The following RASSF3 variants were observed in gnomAD, a reference collection of about 807,000 sequenced individuals.
RASSF3 encodes the protein ras association domain-containing protein 3.
Under a neutral mutation model 19.9 loss-of-function variants are expected in RASSF3, and 19 were observed. The ratio of observed to expected loss-of-function variants is 0.96; its 90% CI spans 0.67 to 1.40. The LOEUF is 1.40. RASSF3 is among the 40% of genes most tolerant of loss of function. The pLI is 0.00. For synonymous variants in RASSF3, 110 were observed against 104.2 expected, an observed-to-expected ratio of 1.06 and a Z score of -0.34; for missense variants, 306 against 289.8, an observed-to-expected ratio of 1.06 and a Z score of -0.41.
chr12:64,546,361 C>G (rs1772717279), downstream of RASSF3, among the ~76,000 whole-genome samples: 1 of 152,098 alleles, frequency 6.6e-6, no homozygotes, highest in Non-Finnish European at 1.5e-5. Flanking sequence ...AGCTCCGCCT[C>G]CCGGGTTCAT....
chr12:64,610,590 C>T lies in RASSF3; in HGVS notation c.-43C>T. 1 of 1,291,308 alleles carries T rather than the reference C, an allele frequency of 7.7e-7. No individual in the cohort carries two copies. Among genetic ancestry groups the T allele is most frequent in the Non-Finnish European group, 1.0e-6 (1 of 974,516 alleles). 80.0% of individuals were successfully genotyped at this position (1,291,308 alleles called of 1,614,324 possible). ...GGCGCCGCACCCCCTCCCTGGCCGC[C>T]TGCGCCCCGGGGAGGCCGCCCGCGC... is the stretch of plus-strand genomic sequence containing the variant. On this transcript the variant is annotated 5_prime_UTR_variant, in exon 1 of 5. Coordinates refer to ENST00000542104, the MANE Select transcript of RASSF3 (RefSeq NM_178169.4).
At chr12:64,662,384 G>A (rs958517020) in intron 1 of RASSF3, among the ~76,000 whole-genome samples, 1 of 152,184 alleles carries the variant, frequency 6.6e-6, no homozygotes, top group Non-Finnish European at 1.5e-5. Flanking sequence ...TTGTACCACT[G>A]CACTCCAGCC....
At chr12:64,593,729 G>C (rs988182668) in intron 2 of RASSF3, among the ~76,000 whole-genome samples, 1 of 152,090 alleles carries the variant, frequency 6.6e-6, no homozygotes, top group African/African-American at 2.4e-5. Context: ...TTGAAATCCT[G>C]TAGCAAAGCT....
intron 1 of RASSF3, among the ~76,000 whole-genome samples, chr12:64,679,464 A>G (rs1278178538): frequency 6.6e-6 from 1 of 152,236 alleles, no homozygotes; most frequent in Non-Finnish European, 1.5e-5. Context: ...TAACCAAAAG[A>G]GTATAAACAA....
chr12:64,581,858 T>C (rs1278677998), intron 2 of RASSF3, among the ~76,000 whole-genome samples: 1 of 148,938 alleles, frequency 6.7e-6, no homozygotes, highest in Non-Finnish European at 1.5e-5. Flanking sequence ...AGATTGACCT[T>C]TTTTTTTTGT....
At chr12:64,669,821 G>A (rs959943273) in intron 1 of RASSF3, among the ~76,000 whole-genome samples, 2 of 149,690 alleles carry the variant, frequency 1.3e-5, no homozygotes, top group South Asian at 2.1e-4. Context: ...GCTGGAGGGT[G>A]TGTGAACCCT....
chr12:64,584,118 C>G (rs1869750573), intron 2 of RASSF3, among the ~76,000 whole-genome samples: 1 of 152,170 alleles, frequency 6.6e-6, no homozygotes, highest in Non-Finnish European at 1.5e-5. Context: ...CAGGCGTTTC[C>G]TTCCTCTGAT....
In RASSF3 at chr12:64,587,036, G is replaced by A. The variant is rs537946702; in HGVS notation, c.294+45331G>A. Among the ~76,000 whole-genome samples, 40 of 141,064 alleles carry A rather than the reference G, an allele frequency of 2.8e-4. No individual in the cohort carries two copies. The East Asian group carries it at 7.0e-3, about 25-fold the overall frequency. The allele number at this position is 141,064 out of a possible 152,430, so 92.5% of individuals were successfully genotyped here. ...TTAAAATCTATTTTCCATATTCCTCGTATTCCTCGCCTCACTTTTTTTTTT... is the reference window on the plus strand; with the variant it reads ...TTAAAATCTATTTTCCATATTCCTCATATTCCTCGCCTCACTTTTTTTTTT... On this transcript the variant is annotated intron_variant, in intron 2 of 5. Coordinates refer to the RASSF3 transcript ENST00000637125.
At chr12:64,684,011 TGA>T (rs965480977) in intron 1 of RASSF3, among the ~76,000 whole-genome samples, 25 of 83,362 alleles carry the variant, frequency 3.0e-4, no homozygotes, top group African/African-American at 7.4e-4. Flanking sequence ...AGAGAGAGAG[TGA>T]GTGTGTGTGT....
intron 1 of RASSF3, among the ~76,000 whole-genome samples, chr12:64,614,236 C>T (rs182744018): frequency 2.0e-5 from 3 of 150,172 alleles, no homozygotes; most frequent in Admixed American, 6.7e-5. Context: ...CGCGTGCAAA[C>T]GATTCTCCTG....
intron 1 of RASSF3, among the ~76,000 whole-genome samples, chr12:64,672,708 G>A (rs1872740310): frequency 6.6e-6 from 1 of 152,048 alleles, no homozygotes; most frequent in African/African-American, 2.4e-5. Context: ...CGGTGGGGAG[G>A]CTCTTGCTGT....
intron 1 of RASSF3, among the ~76,000 whole-genome samples, chr12:64,512,714 C>T (rs1341857574): frequency 6.6e-6 from 1 of 152,140 alleles, no homozygotes. Flanking sequence ...GGAGAGGGGT[C>T]TCCTACATTA....
intron 1 of RASSF3, among the ~76,000 whole-genome samples, chr12:64,658,350 A>G (rs912017629): frequency 1.2e-4 from 18 of 152,154 alleles, no homozygotes; most frequent in African/African-American, 4.3e-4. Context: ...GAGGTTTTCC[A>G]CTGACTACGG....
intron 1 of RASSF3, among the ~76,000 whole-genome samples, chr12:64,643,467 T>G (rs1300575243): frequency 1.3e-5 from 2 of 151,350 alleles, no homozygotes; most frequent in Non-Finnish European, 2.9e-5. Flanking sequence ...GAGGAAGGAG[T>G]TTGGGGCTGT....
At chr12:64,577,698 C>T (rs1869619338) in intron 2 of RASSF3, among the ~76,000 whole-genome samples, 1 of 152,182 alleles carries the variant, frequency 6.6e-6, no homozygotes, top group Non-Finnish European at 1.5e-5. Flanking sequence ...CGGCACTGCA[C>T]TTCAGCCTGG....
At chr12:64,614,393 G>A (rs1490054895) in intron 1 of RASSF3, among the ~76,000 whole-genome samples, 1 of 152,060 alleles carries the variant, frequency 6.6e-6, no homozygotes, top group Non-Finnish European at 1.5e-5. Flanking sequence ...CTCCCAAAGT[G>A]CTGGGATTAC....
intron 2 of RASSF3, among the ~76,000 whole-genome samples, chr12:64,577,066 T>C (rs977494786): frequency 2.6e-5 from 4 of 152,202 alleles, no homozygotes; most frequent in African/African-American, 9.6e-5. Flanking sequence ...AATTGTTGCA[T>C]AGTCTTTCTA....
In RASSF3 at chr12:64,524,217, A is replaced by ATTTT. The variant is rs1442306893; in HGVS notation, c.169+16889_169+16892dup. 1.5e-4 allele frequency among the ~76,000 whole-genome samples: 20 copies of ATTTT among 129,746 alleles called. No homozygotes were observed. In the East Asian group the frequency reaches 1.8e-3, roughly 12 times the overall value. The allele number at this position is 129,746 out of a possible 152,430, so 85.1% of individuals were successfully genotyped here. A position where few individuals can be genotyped will look rare whatever the true frequency, so the allele number is the denominator to read the frequency against. On this transcript the variant is annotated intron_variant, in intron 1 of 5. Transcript: ENST00000637125. ...CAGGGGTGTGCCACCATGCCCGGCAATTTTATTTATTTATTTATTTATTTA... is the reference window on the plus strand; with the variant it reads ...CAGGGGTGTGCCACCATGCCCGGCAATTTTTTTTATTTATTTATTTATTTATTTA...
At position 64,568,701 on chromosome 12, in the gene RASSF3, CT is replaced by C. The variant is rs557742342; in HGVS notation, c.294+27000del. ...ACCCCAGCCCTAAGGTGTAATAAGC[CT>C]TTTCTGAGTTCACTTTTTTTTTTTT... is the stretch of plus-strand genomic sequence containing the variant. On this transcript the variant is annotated intron_variant, in intron 2 of 5. Transcript: ENST00000637125. Among the ~76,000 whole-genome samples, 7 of 149,566 alleles carry C rather than the reference CT, an allele frequency of 4.7e-5. No individual in the cohort carries two copies. The South Asian group carries it at 1.5e-3, about 31-fold the overall frequency.
Sources: gnomAD v4.1 joint callset for allele counts (sites outside exome capture counted in the v4.1 genomes callset) on GRCh38, gnomAD v4.1.1 for gene constraint, MANE v1.5 for transcripts, NCBI Gene and HGNC (gene_info 2026-07-23, HGNC 2026-07-21) for gene names.